NRXN3: variants seen among roughly 807,000 people sequenced by gnomAD.
NRXN3 encodes the protein neurexin III.
In NRXN3, 32 loss-of-function variants were observed where a neutral mutation model predicts 137.6. The observed-to-expected ratio is 0.23, with a 90% CI of 0.18 to 0.31. The LOEUF (loss-of-function observed/expected upper bound fraction) is 0.31. NRXN3 is among the 10% of genes least tolerant of loss of function. NRXN3 has a pLI of 1.00. For missense variants in NRXN3, 1,574 were observed against 2,062.5 expected (o/e 0.76, Z 4.59); for synonymous variants, 798 against 784.5 (o/e 1.02, Z -0.29).
At chr14:78,806,503 C>A (rs1440096165) in intron 9 of NRXN3, among the ~76,000 whole-genome samples, 1 of 152,170 alleles carries the variant, frequency 6.6e-6, no homozygotes, top group Non-Finnish European at 1.5e-5. Context: ...TCACTCTATT[C>A]AAGTTGTGTC....
At chr14:78,487,950 C>T (rs2095594743) in intron 4 of NRXN3, among the ~76,000 whole-genome samples, 2 of 151,914 alleles carry the variant, frequency 1.3e-5, no homozygotes, top group Admixed American at 6.6e-5. Context: ...TTTGGGCTGC[C>T]ATAGTAAAAT....
At chr14:79,801,945 C>T (rs1350447536) in intron 19 of NRXN3, among the ~76,000 whole-genome samples, 1 of 150,952 alleles carries the variant, frequency 6.6e-6, no homozygotes, top group African/African-American at 2.4e-5. Flanking sequence ...ATGGTGTCAC[C>T]TAAACCACAG....
intron 8 of NRXN3, among the ~76,000 whole-genome samples, chr14:78,760,291 C>T (rs1045614956): frequency 6.0e-5 from 9 of 150,974 alleles, no homozygotes; most frequent in African/African-American, 2.2e-4. Context: ...ATCCGCCCGC[C>T]TCGGCCTCCC....
intron 2 of NRXN3, among the ~76,000 whole-genome samples, chr14:78,248,404 C>CT (rs1202906412): frequency 6.6e-6 from 1 of 150,582 alleles, no homozygotes; most frequent in Non-Finnish European, 1.5e-5. Context: ...CTTCGCATGC[C>CT]TTCCTGAAAG....
chr14:78,701,940 C>T (rs1461725754), intron 6 of NRXN3, among the ~76,000 whole-genome samples: 1 of 152,180 alleles, frequency 6.6e-6, no homozygotes, highest in Non-Finnish European at 1.5e-5. Flanking sequence ...CCATGCGATG[C>T]AGCAGTTGGG....
At chr14:78,195,480 C>A (rs2061144214) in intron 1 of NRXN3, among the ~76,000 whole-genome samples, 1 of 152,110 alleles carries the variant, frequency 6.6e-6, no homozygotes, top group Non-Finnish European at 1.5e-5. Flanking sequence ...AAACACATAA[C>A]AATTAGATAA....
chr14:79,390,101 A>G (rs1484197824), intron 15 of NRXN3, among the ~76,000 whole-genome samples: 2 of 151,962 alleles, frequency 1.3e-5, no homozygotes, highest in Non-Finnish European at 2.9e-5. Context: ...GTGGATCACG[A>G]GGTCAGGAGA....
At chr14:79,779,901 G>C (rs981640915) in intron 19 of NRXN3, among the ~76,000 whole-genome samples, 22 of 152,230 alleles carry the variant, frequency 1.4e-4, no homozygotes, top group African/African-American at 4.6e-4. Context: ...GTCTTGCTCT[G>C]TTGTCCAGGC....
chr14:78,186,325 A>G (rs552197083), intron 1 of NRXN3, among the ~76,000 whole-genome samples: 45 of 152,342 alleles, frequency 3.0e-4, no homozygotes, highest in Middle Eastern at 6.8e-3. Context: ...TCTGCAAAAT[A>G]CCTCTAAAAG....
intron 16 of NRXN3, among the ~76,000 whole-genome samples, chr14:79,524,282 A>G (rs988266070): frequency 3.3e-5 from 5 of 152,180 alleles, no homozygotes; most frequent in Non-Finnish European, 5.9e-5. Context: ...ACAACCAGTG[A>G]AGCTTGAGGC....
rs541177084 is a variant in NRXN3 at position 79,505,326 on chromosome 14, C to T, written c.3444+37924C>T. ...CTCATATACACAGTCCAATATGGTT[C>T]CAGTTGGTGAGGGTTAGGGTTGTCA... On this transcript the variant is annotated intron_variant, in intron 16 of 20. Coordinates refer to ENST00000335750, the MANE Select transcript of NRXN3 (RefSeq NM_001330195.2). 3.3e-5 allele frequency among the ~76,000 whole-genome samples: 5 copies of T among 152,100 alleles called. No homozygotes were observed. The South Asian group carries it at 1.0e-3, about 32-fold the overall frequency.
At chr14:79,832,568 G>A (rs1006097623) in intron 20 of NRXN3, among the ~76,000 whole-genome samples, 1 of 152,106 alleles carries the variant, frequency 6.6e-6, no homozygotes, top group Non-Finnish European at 1.5e-5. Context: ...GATGCTAACG[G>A]CATCTAGTGG....
At chr14:78,365,549 T>C (rs1383148660) in intron 4 of NRXN3, among the ~76,000 whole-genome samples, 1 of 152,182 alleles carries the variant, frequency 6.6e-6, no homozygotes, top group Non-Finnish European at 1.5e-5. Context: ...TAGAACTCAG[T>C]CATGAGCTCA....
chr14:78,254,540 G>A (rs1951062174), intron 2 of NRXN3, among the ~76,000 whole-genome samples: 1 of 152,120 alleles, frequency 6.6e-6, no homozygotes, highest in South Asian at 2.1e-4. Flanking sequence ...TTAGCTGAGT[G>A]TGGTGGCAGG....
intron 8 of NRXN3, among the ~76,000 whole-genome samples, chr14:78,769,765 A>G (rs1482803495): frequency 1.3e-5 from 2 of 152,226 alleles, no homozygotes; most frequent in Non-Finnish European, 2.9e-5. Context: ...CATATTGATT[A>G]TGCTGAGGAG....
chr14:78,385,250 A>AT (rs1295610548), intron 4 of NRXN3, among the ~76,000 whole-genome samples: 4 of 150,782 alleles, frequency 2.7e-5, no homozygotes, highest in Non-Finnish European at 5.9e-5. Flanking sequence ...GCAATTTTGA[A>AT]TTTTTTTTTA....
chr14:78,876,609 T>TAAG lies in NRXN3; in HGVS notation c.2275+66269_2275+66271dup, dbSNP rs577205321. 3.3e-5 allele frequency among the ~76,000 whole-genome samples: 5 copies of TAAG among 152,316 alleles called. No individual in the cohort carries two copies. The South Asian group carries it at 8.3e-4, about 25-fold the overall frequency. ...ACATTTCTTTACTTGTAGGACTTATTAAGAAGTGGCTGTGAATTGTCTTCT... is the reference window on the plus strand; with the variant it reads ...ACATTTCTTTACTTGTAGGACTTATTAAGAAGAAGTGGCTGTGAATTGTCTTCT... On this transcript the variant is annotated intron_variant, in intron 10 of 20. Coordinates refer to ENST00000335750, the MANE Select transcript of NRXN3 (RefSeq NM_001330195.2).
At chr14:79,520,535 G>T (rs1409888502) in intron 16 of NRXN3, among the ~76,000 whole-genome samples, 2 of 152,104 alleles carry the variant, frequency 1.3e-5, no homozygotes, top group Non-Finnish European at 2.9e-5. Context: ...ATGAGAACAT[G>T]CAGTGTTTAG....
chr14:78,736,011 T>G (rs1246262185), intron 8 of NRXN3, among the ~76,000 whole-genome samples: 1 of 152,148 alleles, frequency 6.6e-6, no homozygotes. Context: ...TCTCATGACA[T>G]TCTCATGACA....
Sources: allele counts gnomAD v4.1 joint callset (sites outside exome capture counted in the v4.1 genomes callset), GRCh38; gene constraint gnomAD v4.1.1; transcripts MANE v1.5; gene names NCBI Gene and HGNC (gene_info 2026-07-23, HGNC 2026-07-21).